The following WDR70 variants were observed in gnomAD, a reference collection of about 807,000 sequenced individuals.
WDR70 encodes WD repeat domain 70, also known as WD repeat-containing protein 70.
A neutral mutation model predicts 88.6 loss-of-function variants in WDR70; 53 were observed. That is an observed-to-expected ratio of 0.60 (90% CI 0.48 to 0.75). The LOEUF (loss-of-function observed/expected upper bound fraction) is 0.75, where lower values mean the gene tolerates loss of function less well. Among genes scored for constraint, WDR70 ranks in the 30% least tolerant of loss-of-function variants. WDR70 has a pLI of 0.00. For missense variants in WDR70, 610 were observed against 823.2 expected (o/e 0.74, Z 3.17); for synonymous variants, 280 against 270.0 (o/e 1.04, Z -0.36).
In WDR70 at chr5:37,557,118, C is replaced by G. The variant is rs192316046; in HGVS notation, c.917+40528C>G. ...AAAGATCAGGTGAATTGAATTAACT[C>G]TATCTGGTGGTACTTGAATATGGAA... is the stretch of plus-strand genomic sequence containing the variant. On this transcript the variant is annotated intron_variant, in intron 9 of 17. Transcript: ENST00000265107. Among the ~76,000 whole-genome samples the G allele has an allele frequency of 4.9e-4, 74 of 151,578 alleles. No individual in the cohort carries two copies. In the East Asian group the frequency reaches 0.012, roughly 25 times the overall value.
intron 8 of WDR70, among the ~76,000 whole-genome samples, chr5:37,502,508 G>A (rs943627235): frequency 2.0e-5 from 3 of 152,092 alleles, no homozygotes; most frequent in Non-Finnish European, 4.4e-5. Flanking sequence ...ATGCTGTGGG[G>A]CATTTTATCG....
chr5:37,745,815 C>G (rs1748621138), intron 17 of WDR70, among the ~76,000 whole-genome samples: 2 of 152,146 alleles, frequency 1.3e-5, no homozygotes, highest in South Asian at 2.1e-4. Context: ...CTTAGACTCC[C>G]ACACATTAAT....
intron 17 of WDR70, among the ~76,000 whole-genome samples, chr5:37,734,471 A>G (rs1748241677): frequency 6.6e-6 from 1 of 152,158 alleles, no homozygotes; most frequent in Non-Finnish European, 1.5e-5. Context: ...GTAGGGGTAC[A>G]GCCATTTTAT....
chr5:37,610,568 C>A (rs1403768225), intron 10 of WDR70, among the ~76,000 whole-genome samples: 2 of 151,990 alleles, frequency 1.3e-5, no homozygotes, highest in Non-Finnish European at 2.9e-5. Flanking sequence ...TTCTCCATAT[C>A]TGTATATCTG....
intron 5 of WDR70, among the ~76,000 whole-genome samples, chr5:37,411,879 T>C (rs894482121): frequency 5.9e-5 from 9 of 152,132 alleles, no homozygotes. Context: ...AGTAGTTGGA[T>C]TTAGTTTTAC....
intron 9 of WDR70, among the ~76,000 whole-genome samples, chr5:37,586,204 T>C (rs1336326379): frequency 1.3e-5 from 2 of 152,164 alleles, no homozygotes; most frequent in African/African-American, 2.4e-5. Context: ...AATAGCATTT[T>C]ATGCTTGAAC....
At chr5:37,500,604 C>A (rs1240758106) in intron 8 of WDR70, among the ~76,000 whole-genome samples, 1 of 151,494 alleles carries the variant, frequency 6.6e-6, no homozygotes. Context: ...ATTGTTTTTT[C>A]ACTTTTTAAT....
chr5:37,733,662 A>G (rs1045612919), intron 17 of WDR70, among the ~76,000 whole-genome samples: 2 of 134,576 alleles, frequency 1.5e-5, no homozygotes, highest in African/African-American at 5.5e-5. Flanking sequence ...GAATGTGTCT[A>G]TCTATTCTTG....
chr5:37,553,885 A>G (rs1031628137), intron 9 of WDR70, among the ~76,000 whole-genome samples: 1 of 152,178 alleles, frequency 6.6e-6, no homozygotes, highest in Non-Finnish European at 1.5e-5. Context: ...GCGAGCATTA[A>G]TTGAGTTCAT....
chr5:37,443,951 C>A (rs1171170393), intron 7 of WDR70, among the ~76,000 whole-genome samples: 2 of 151,986 alleles, frequency 1.3e-5, no homozygotes, highest in Non-Finnish European at 2.9e-5. Flanking sequence ...GAGTTCGAGA[C>A]CAGCCTGTCT....
chr5:37,568,946 C>A (rs1742821234), intron 9 of WDR70, among the ~76,000 whole-genome samples: 1 of 152,092 alleles, frequency 6.6e-6, no homozygotes, highest in Non-Finnish European at 1.5e-5. Flanking sequence ...GAGCACCCTG[C>A]CTAACCTACA....
intron 13 of WDR70, among the ~76,000 whole-genome samples, chr5:37,718,688 A>G (rs1349063008): frequency 6.6e-6 from 1 of 152,176 alleles, no homozygotes; most frequent in Non-Finnish European, 1.5e-5. Flanking sequence ...TTTCTCATGG[A>G]GTAATGATTT....
At chr5:37,558,081 C>T (rs947937885) in intron 9 of WDR70, among the ~76,000 whole-genome samples, 7 of 151,714 alleles carry the variant, frequency 4.6e-5, no homozygotes, top group East Asian at 2.0e-4. Context: ...ATATGCCAAC[C>T]GCCTTGGCTA....
intron 10 of WDR70, among the ~76,000 whole-genome samples, chr5:37,639,375 GAC>G (rs1253653176): frequency 1.3e-5 from 2 of 152,182 alleles, no homozygotes; most frequent in Non-Finnish European, 2.9e-5. Flanking sequence ...TAAAAGGAAA[GAC>G]ACAATTCACG....
At chr5:37,634,298 C>A (rs1489154105) in intron 10 of WDR70, among the ~76,000 whole-genome samples, 1,713 of 105,222 alleles carry the variant, frequency 0.016, 13 homozygotes, top group African/African-American at 0.051. Flanking sequence ...GACCCTGTCT[C>A]AAAAAAAAAA....
intron 17 of WDR70, among the ~76,000 whole-genome samples, chr5:37,747,587 A>G (rs1410903360): frequency 6.6e-6 from 1 of 152,174 alleles, no homozygotes; most frequent in Admixed American, 6.5e-5. Flanking sequence ...TTGAAAACTG[A>G]TACAAGACAA....
chr5:37,395,313 ACT>A (rs760291408), intron 4 of WDR70, among the ~76,000 whole-genome samples: 1 of 151,960 alleles, frequency 6.6e-6, no homozygotes, highest in Non-Finnish European at 1.5e-5. Context: ...TATGCCCTAG[ACT>A]CTCAAGCCCG....
chr5:37,605,387 T>G lies in WDR70; in HGVS notation c.1092+149T>G. 5 of 698,706 alleles carry G rather than the reference T, an allele frequency of 7.2e-6. No individual in the cohort carries two copies. The South Asian group carries it at 2.3e-4, about 31-fold the overall frequency. The allele number at this position is 698,706 out of a possible 1,614,324, so 43.3% of individuals were successfully genotyped here. A position where few individuals can be genotyped will look rare whatever the true frequency, so the allele number is the denominator to read the frequency against. On this transcript the variant is annotated intron_variant, in intron 10 of 17. Coordinates refer to ENST00000265107, the MANE Select transcript of WDR70 (RefSeq NM_018034.4). ...AACTTCAGTGTTAGGTGATCAAACG[T>G]TGAGACTTTTGTAGTATACAGCATT...
At chr5:37,601,931 A>G (rs1743894886) in intron 9 of WDR70, among the ~76,000 whole-genome samples, 1 of 152,166 alleles carries the variant, frequency 6.6e-6, no homozygotes, top group Non-Finnish European at 1.5e-5. Context: ...GACATGGATG[A>G]AGCTGGAAAC....
Sources: gnomAD v4.1 joint callset for allele counts (sites outside exome capture counted in the v4.1 genomes callset) on GRCh38, gnomAD v4.1.1 for gene constraint, MANE v1.5 for transcripts, NCBI Gene and HGNC (gene_info 2026-07-23, HGNC 2026-07-21) for gene names.